ILDR2: variants seen among roughly 807,000 people sequenced by gnomAD.
The protein encoded by ILDR2 is immunoglobulin like domain containing receptor 2.
ILDR2 carries 25 observed loss-of-function variants against 66.8 expected under a neutral mutation model. The ratio of observed to expected loss-of-function variants is 0.37; its 90% CI spans 0.27 to 0.52. The LOEUF (loss-of-function observed/expected upper bound fraction) is 0.52. Among genes scored for constraint, ILDR2 ranks in the 20% least tolerant of loss-of-function variants. ILDR2 has a pLI of 0.88. For synonymous variants in ILDR2, 367 were observed against 357.2 expected, an observed-to-expected ratio of 1.03 and a Z score of -0.31; for missense variants, 827 against 876.8, an observed-to-expected ratio of 0.94 and a Z score of 0.72.
chr1:166,952,778 T>A (rs1268850982), intron 3 of ILDR2, among the ~76,000 whole-genome samples: 1 of 152,158 alleles, frequency 6.6e-6, no homozygotes, highest in Non-Finnish European at 1.5e-5. Flanking sequence ...ATTTTTTTTT[T>A]AACATAGCTT....
rs1187672323 is a variant in ILDR2, at chr1:166,961,580, T to A, written c.47-3479A>T. Among the ~76,000 whole-genome samples, 3 of 152,202 alleles carry A rather than the reference T, an allele frequency of 2.0e-5. No homozygotes were observed. In the East Asian group the frequency reaches 5.8e-4, roughly 29 times the overall value. On this transcript the variant is annotated intron_variant, in intron 1 of 9. Transcript: ENST00000271417. ...ACTACTCAACTCTGATGAGTTTCAG[T>A]TTCCTCGCTGGCAAAACCAGAATAA...
At chr1:166,935,556 G>A in intron 5 of ILDR2, 79 bp from the exon 6 acceptor site, 1 of 1,283,372 alleles carries the variant, frequency 7.8e-7, no homozygotes, top group East Asian at 2.5e-5. Flanking sequence ...CCCTGAGGAT[G>A]CACTTCAGGG....
chr1:166,939,397 C>T, intron 4 of ILDR2, 117 bp downstream of exon 4: 1 of 824,230 alleles, frequency 1.2e-6, no homozygotes, highest in Non-Finnish European at 2.1e-6. Context: ...TGGAAAAGAT[C>T]AGAGACATAT....
chr1:166,970,727 C>T (rs1373858960), intron 1 of ILDR2, among the ~76,000 whole-genome samples: 1 of 152,178 alleles, frequency 6.6e-6, no homozygotes, highest in Non-Finnish European at 1.5e-5. Context: ...ACCCAGAATA[C>T]TCCTATGTCT....
intron 9 of ILDR2, 27 bp downstream of exon 9, chr1:166,920,680 G>A: frequency 7.3e-7 from 1 of 1,362,392 alleles, no homozygotes; most frequent in Non-Finnish European, 9.5e-7. Flanking sequence ...AGTCCCCTCG[G>A]AGGAGGGGAG....
downstream of ILDR2, among the ~76,000 whole-genome samples, chr1:166,906,767 A>C (rs1659357484): frequency 6.6e-6 from 1 of 152,220 alleles, no homozygotes; most frequent in African/African-American, 2.4e-5. Flanking sequence ...CTGCTTAGGA[A>C]ACATTTGGAG....
rs1236635413 is a variant in ILDR2, at chr1:166,909,736, C to T, written c.*9619G>A. On this transcript the variant is annotated 3_prime_UTR_variant, in exon 10 of 10. Coordinates refer to ENST00000271417, the MANE Select transcript of ILDR2 (RefSeq NM_199351.3). ...ATATATATGTGTGTGTGTATACATACATATATATATATATATATATATAAA... is the reference window on the plus strand; with the variant it reads ...ATATATATGTGTGTGTGTATACATATATATATATATATATATATATATAAA... 10 of 100,880 alleles carry T rather than the reference C, an allele frequency of 9.9e-5. No homozygotes were observed. Among genetic ancestry groups the T allele is most frequent in the African/African-American group, 2.0e-4 (5 of 24,934 alleles). The allele number at this position is 100,880 out of a possible 1,614,324, so 6.2% of individuals were successfully genotyped here. A position where few individuals can be genotyped will look rare whatever the true frequency, so the allele number is the denominator to read the frequency against.
rs75332140 is a variant in ILDR2 at position 166,933,793 on chromosome 1, T to C, written c.880+1508A>G. Among the ~76,000 whole-genome samples the C allele has an allele frequency of 3.2e-4, 49 of 152,358 alleles. 2 individuals carry two copies. The East Asian group carries it at 9.5e-3, about 29-fold the overall frequency. ...TGGAAATGGACTACATCGTCTTTAT[T>C]TCTCTAATTATCTGTGTGTCACTGA... On this transcript the variant is annotated intron_variant, in intron 6 of 9. Transcript: ENST00000271417.
chr1:166,957,788 T>C lies in ILDR2; in HGVS notation c.360A>G (p.Arg120=), dbSNP rs1294670452. 2.5e-6 allele frequency: 4 copies of C among 1,613,390 alleles called. No individual in the cohort carries two copies. Among genetic ancestry groups the C allele is most frequent in the Non-Finnish European group, 3.4e-6 (4 of 1,179,498 alleles). The change falls in exon 2 of 10, where the codon AGA becomes AGG. Residue 120 remains arginine, a synonymous_variant. Coordinates refer to ENST00000271417, the MANE Select transcript of ILDR2 (RefSeq NM_199351.3). ...TATTACCATGAACAATCGTGATCTCTCTGCCCCTGTAGAAATCTCCCAGGG... is the reference window on the plus strand; with the variant it reads ...TATTACCATGAACAATCGTGATCTCCCTGCCCCTGTAGAAATCTCCCAGGG... ...TVTLGDFYRG[R]EITIVHDADL... is the part of the protein sequence containing the mutation.
At chr1:166,933,213 G>A (rs1220852228) in intron 6 of ILDR2, among the ~76,000 whole-genome samples, 1 of 152,254 alleles carries the variant, frequency 6.6e-6, no homozygotes, top group African/African-American at 2.4e-5. Flanking sequence ...TTTTGTTTAT[G>A]AATGGGCAAG....
chr1:166,954,925 C>T (rs1406803024), intron 3 of ILDR2, among the ~76,000 whole-genome samples: 1 of 152,152 alleles, frequency 6.6e-6, no homozygotes, highest in Non-Finnish European at 1.5e-5. Flanking sequence ...GTGGTTTTTA[C>T]CTGGCCTCCT....
chr1:166,954,677 T>G (rs1662170710), intron 3 of ILDR2, among the ~76,000 whole-genome samples: 1 of 152,208 alleles, frequency 6.6e-6, no homozygotes, highest in Admixed American at 6.5e-5. Flanking sequence ...AATACTGATT[T>G]TTTTTCTTCA....
At chr1:166,935,786 C>G (rs191709626) in intron 5 of ILDR2, among the ~76,000 whole-genome samples, 22 of 152,294 alleles carry the variant, frequency 1.4e-4, no homozygotes, top group Middle Eastern at 3.4e-3. Context: ...CCACTCTTAC[C>G]CACACTGTCT....
chr1:166,931,980 T>C (rs893545767), intron 6 of ILDR2, among the ~76,000 whole-genome samples: 12 of 152,122 alleles, frequency 7.9e-5, no homozygotes, highest in African/African-American at 2.9e-4. Flanking sequence ...AAAGAGAGGC[T>C]GGAGATAATG....
chr1:166,933,726 G>A lies in ILDR2; in HGVS notation c.880+1575C>T, dbSNP rs1331959377. 5.3e-5 allele frequency among the ~76,000 whole-genome samples: 8 copies of A among 152,184 alleles called. No homozygotes were observed. The East Asian group carries it at 1.3e-3, about 26-fold the overall frequency. Reference sequence around the variant, plus strand: ...ATTAGAAAAAAGACAAAGAGTATGAGATAAGTTCCACTAATGTCTCTTTTG... The same window carrying A: ...ATTAGAAAAAAGACAAAGAGTATGAAATAAGTTCCACTAATGTCTCTTTTG... On this transcript the variant is annotated intron_variant, in intron 6 of 9. Coordinates refer to ENST00000271417, the MANE Select transcript of ILDR2 (RefSeq NM_199351.3).
chr1:166,966,096 AG>A (rs1369071958), intron 1 of ILDR2, among the ~76,000 whole-genome samples: 1 of 152,212 alleles, frequency 6.6e-6, no homozygotes, highest in Non-Finnish European at 1.5e-5. Flanking sequence ...TTCTCGAAAT[AG>A]GAACTATTCA....
intron 2 of ILDR2, among the ~76,000 whole-genome samples, chr1:166,899,714 A>G (rs1430557900): frequency 6.6e-6 from 1 of 152,240 alleles, no homozygotes; most frequent in Non-Finnish European, 1.5e-5. Flanking sequence ...TGCTTTTAAA[A>G]TCATTTCAAA....
chr1:166,907,169 T>C (rs1354734536), downstream of ILDR2: 1 of 152,236 alleles, frequency 6.6e-6, no homozygotes, highest in Non-Finnish European at 1.5e-5. Flanking sequence ...TCATTCCATT[T>C]AGTTCTGAAC....
chr1:166,964,140 A>T (rs1000717185), intron 1 of ILDR2, among the ~76,000 whole-genome samples: 2 of 53,870 alleles, frequency 3.7e-5, no homozygotes, highest in African/African-American at 9.5e-5. Flanking sequence ...ATCTAAAAAT[A>T]AAAAAAAAAA....
Sources: gnomAD v4.1 joint callset for allele counts (sites outside exome capture counted in the v4.1 genomes callset) on GRCh38, gnomAD v4.1.1 for gene constraint, MANE v1.5 for transcripts, NCBI Gene and HGNC (gene_info 2026-07-23, HGNC 2026-07-21) for gene names.